SLC39A3: variants seen among roughly 807,000 people sequenced by gnomAD.
SLC39A3 encodes the protein solute carrier family 39 member 3, also known as zinc transporter ZIP3.
A neutral mutation model predicts 5.1 loss-of-function variants in SLC39A3; 3 were observed. The ratio of observed to expected loss-of-function variants is 0.59; its 90% CI spans 0.27 to 1.54. The LOEUF is 1.54. SLC39A3 is among the 40% of genes most tolerant of loss of function. The pLI is 0.12. For synonymous variants in SLC39A3, 250 were observed against 218.8 expected, an observed-to-expected ratio of 1.14 and a Z score of -1.26; for missense variants, 412 against 436.4, an observed-to-expected ratio of 0.94 and a Z score of 0.50.
rs1419275245 is a variant in SLC39A3 at position 2,735,888 on chromosome 19, C to T, written c.210+1160G>A. The T allele has an allele frequency of 2.0e-6, 2 of 985,422 alleles. No individual in the cohort carries two copies. The highest frequency in any genetic ancestry group is 2.4e-6 in the Non-Finnish European group (2 of 830,024). 61.0% of individuals were successfully genotyped at this position (985,422 alleles called of 1,614,324 possible). A position where few individuals can be genotyped will look rare whatever the true frequency, so the allele number is the denominator to read the frequency against. On this transcript the variant is annotated intron_variant, in intron 2 of 2. Transcript: ENST00000269740. This position sits in a 1 kb window ranked among gnomAD's most constrained non-coding sequence, Gnocchi z 5.7. ...AACAGCCCTTCTCCTCCTTTCTGGACACTAGGCACGAGGAAAAGCAGGGCC... is the reference window on the plus strand; with the variant it reads ...AACAGCCCTTCTCCTCCTTTCTGGATACTAGGCACGAGGAAAAGCAGGGCC...
chr19:2,740,035 C>A (rs891645792), upstream of SLC39A3: 4 of 152,292 alleles, frequency 2.6e-5, no homozygotes, highest in East Asian at 1.9e-4. Flanking sequence ...GGAGAGGCCC[C>A]GCTCGGCGCG....
chr19:2,737,412 TTTC>T (rs1914405296), intron 1 of SLC39A3, 33 bp from the exon 2 acceptor site: 18 of 1,354,872 alleles, frequency 1.3e-5, no homozygotes, highest in Middle Eastern at 2.7e-4. Context: ...ATTAGCTTTC[TTTC>T]TTTTTTCTTT....
Position 2,734,630 on chromosome 19 carries a change from G to T in SLC39A3, c.211-1145C>A. The T allele has an allele frequency of 1.7e-6, 1 of 583,730 alleles. No individual in the cohort carries two copies. Among genetic ancestry groups the T allele is most frequent in the Non-Finnish European group, 2.2e-6 (1 of 462,814 alleles). 36.2% of individuals were successfully genotyped at this position (583,730 alleles called of 1,614,324 possible). On this transcript the variant is annotated intron_variant, in intron 2 of 2. Transcript: ENST00000269740. The surrounding 1 kb of genome is among the most constrained non-coding windows in gnomAD (Gnocchi z 4.6). ...GGGGCCGTCCTGGGCACTGCAGGGT[G>T]CTGCTGAGCAGTGTCTCTGGCCTCC...
At chr19:2,736,445 G>C (rs145568409) in intron 2 of SLC39A3, 222 of 175,830 alleles carry the variant, frequency 1.3e-3, no homozygotes, top group African/African-American at 5.2e-3. Flanking sequence ...GGCTCTGAGG[G>C]CTGCCCCAGC....
rs2144694044 is a variant in SLC39A3, at chr19:2,732,526, T to C, written c.*225A>G. 4 of 1,430,712 alleles carry C rather than the reference T, an allele frequency of 2.8e-6. No homozygotes were observed. The highest frequency in any genetic ancestry group is 1.5e-5 in the South Asian group (1 of 66,574). The allele number at this position is 1,430,712 out of a possible 1,614,324, so 88.6% of individuals were successfully genotyped here. A position where few individuals can be genotyped will look rare whatever the true frequency, so the allele number is the denominator to read the frequency against. On this transcript the variant is annotated 3_prime_UTR_variant, in exon 3 of 3. Transcript: ENST00000269740. ...CGAGGTTGACATGGCCACACAGCTTTGGTAAAGACTTTTAAGAGAAAGAAG... is the reference window on the plus strand; with the variant it reads ...CGAGGTTGACATGGCCACACAGCTTCGGTAAAGACTTTTAAGAGAAAGAAG...
chr19:2,735,022 G>C lies in SLC39A3; in HGVS notation c.211-1537C>G. On this transcript the variant is annotated intron_variant, in intron 2 of 2. Transcript: ENST00000269740. This position sits in a 1 kb window ranked among gnomAD's most constrained non-coding sequence, Gnocchi z 5.7. ...GGGACCTCATCCGCCTGACCAGCCC[G>C]AGGACAGGAGAACGGCGGGAAAGGT... The C allele has an allele frequency of 1.0e-6, 1 of 985,428 alleles. No individual in the cohort carries two copies. The highest frequency in any genetic ancestry group is 1.2e-6 in the Non-Finnish European group (1 of 829,952). 61.0% of individuals were successfully genotyped at this position (985,428 alleles called of 1,614,324 possible).
Position 2,733,649 on chromosome 19 carries a change from C to A in SLC39A3, c.211-164G>T, listed in dbSNP as rs946138443. Among the ~76,000 whole-genome samples, 1 of 152,132 alleles carries A rather than the reference C, an allele frequency of 6.6e-6. No homozygotes were observed. The highest frequency in any genetic ancestry group is 1.5e-5 in the Non-Finnish European group (1 of 68,020). ...AGGGCTCGCCTGTGATGAATTAACA[C>A]CACCACCACCAGCCAAGCGCGGTGG... On this transcript the variant is annotated intron_variant, in intron 2 of 2. Coordinates refer to ENST00000269740, the MANE Select transcript of SLC39A3 (RefSeq NM_144564.5). This position sits in a 1 kb window ranked among gnomAD's most constrained non-coding sequence, Gnocchi z 6.1.
In SLC39A3 at chr19:2,733,105, C is replaced by T. The variant is rs1338775080; in HGVS notation, c.591G>A (p.Val197=). Reference sequence around the variant, plus strand: ...CGGCCACCCCCACGAACAGGCTCACCACTTTCTCCCCCTCCTCCTGCAGGC... The same window carrying T: ...CGGCCACCCCCACGAACAGGCTCACTACTTTCTCCCCCTCCTCCTGCAGGC... ...ALGLQEEGEK[V]VSLFVGVAVH... The change falls in exon 3 of 3, where the codon GTG becomes GTA. Residue 197 remains valine (V), a synonymous_variant. Transcript: ENST00000269740. The surrounding 1 kb of genome is among the most constrained non-coding windows in gnomAD (Gnocchi z 6.1). 2 of 1,610,986 alleles carry T rather than the reference C, an allele frequency of 1.2e-6. No homozygotes were observed. Among genetic ancestry groups the T allele is most frequent in the Non-Finnish European group, 1.7e-6 (2 of 1,179,208 alleles).
chr19:2,736,183 G>A (rs1042008762), intron 2 of SLC39A3: 18 of 985,414 alleles, frequency 1.8e-5, no homozygotes, highest in African/African-American at 1.7e-5. Flanking sequence ...CAGGAGTTGG[G>A]GTGGACAGAC....
Position 2,733,202 on chromosome 19 carries a change from G to A in SLC39A3, c.494C>T (p.Ala165Val), listed in dbSNP as rs1568299269. Residue 165 changes from alanine to valine, a missense_variant, in exon 3 of 3, where the codon GCC (alanine) becomes GTC (valine). Physicochemically the swap from Ala to Val is moderately conservative, Grantham distance 64. Coordinates refer to ENST00000269740, the MANE Select transcript of SLC39A3 (RefSeq NM_144564.5). The surrounding 1 kb of genome is among the most constrained non-coding windows in gnomAD (Gnocchi z 6.1). The stretch of plus-strand genomic sequence containing the variant: ...CAGGCTGAGCAGGCGCACGGGGCTG[G>A]CGCGCGAGAGGCCCTGCACGCTCAG... ...PSLSVQGLSRASPVRLLSLAF... is the reference protein window; with the variant it reads ...PSLSVQGLSRVSPVRLLSLAF... 3.7e-6 allele frequency: 6 copies of A among 1,607,326 alleles called. No individual in the cohort carries two copies. Among genetic ancestry groups the A allele is most frequent in the Non-Finnish European group, 5.1e-6 (6 of 1,177,008 alleles).
Position 2,733,174 on chromosome 19 carries a change from G to T in SLC39A3, c.522C>A (p.Ala174=), listed in dbSNP as rs532437617. The stretch of plus-strand genomic sequence containing the variant: ...AGACCGAGTGGGCCGACAGCGCGAA[G>T]GCCAGGCTGAGCAGGCGCACGGGGC... ...RASPVRLLSL[A]FALSAHSVFE... is the part of the protein sequence containing the mutation. The change falls in exon 3 of 3, where the codon GCC becomes GCA. Residue 174 remains alanine, a synonymous_variant. Transcript: ENST00000269740. The surrounding 1 kb of genome is among the most constrained non-coding windows in gnomAD (Gnocchi z 6.1). 2 of 1,609,760 alleles carry T rather than the reference G, an allele frequency of 1.2e-6. No individual in the cohort carries two copies. The highest frequency in any genetic ancestry group is 1.1e-5 in the South Asian group (1 of 90,818).
In SLC39A3 at chr19:2,734,854, T is replaced by C. The variant is rs2144696683; in HGVS notation, c.211-1369A>G. On this transcript the variant is annotated intron_variant, in intron 2 of 2. Coordinates refer to ENST00000269740, the MANE Select transcript of SLC39A3 (RefSeq NM_144564.5). The surrounding 1 kb of genome is among the most constrained non-coding windows in gnomAD (Gnocchi z 4.6). ...CATGCCTCGCTTGAGGACAAGCTCA[T>C]GAGGAACTCTAGCTACTCCCAAGAG... is the stretch of plus-strand genomic sequence containing the variant. 1 of 985,458 alleles carries C rather than the reference T, an allele frequency of 1.0e-6. No individual in the cohort carries two copies. Among genetic ancestry groups the C allele is most frequent in the Non-Finnish European group, 1.2e-6 (1 of 829,944 alleles). 61.0% of individuals were successfully genotyped at this position (985,458 alleles called of 1,614,324 possible).
chr19:2,737,136 T>C lies in SLC39A3; in HGVS notation c.122A>G (p.Lys41Arg), dbSNP rs1423098365. 6 of 1,614,064 alleles carry C rather than the reference T, an allele frequency of 3.7e-6. No individual in the cohort carries two copies. Among genetic ancestry groups the C allele is most frequent in the Middle Eastern group, 1.6e-4 (1 of 6,084 alleles). Residue 41 changes from lysine to arginine, a missense_variant, in exon 2 of 3, where the codon AAA becomes AGA. Physicochemically the swap from Lys to Arg is conservative, Grantham distance 26 (BLOSUM62 2). Transcript: ENST00000269740. ...GGTGTTGCAGAGAGAGAGGATCTTTTTCGAGCGATGGGCCTTCTCAAAATC... is the reference window on the plus strand; with the variant it reads ...GGTGTTGCAGAGAGAGAGGATCTTTCTCGAGCGATGGGCCTTCTCAAAATC... ...ETDFEKAHRSKKILSLCNTFG... is the reference protein window; with the variant it reads ...ETDFEKAHRSRKILSLCNTFG...
rs1914301112 is a variant in SLC39A3, at chr19:2,734,588, G to A, written c.211-1103C>T. ...GGGGAAGGTGCTGACATTCGGGGCT[G>A]GATTGTTCTCTGGGACGGGGCCGTC... On this transcript the variant is annotated intron_variant, in intron 2 of 2. Coordinates refer to ENST00000269740, the MANE Select transcript of SLC39A3 (RefSeq NM_144564.5). The surrounding 1 kb of genome is among the most constrained non-coding windows in gnomAD (Gnocchi z 4.6). The A allele has an allele frequency of 3.9e-6, 1 of 254,064 alleles. No individual in the cohort carries two copies. The highest frequency in any genetic ancestry group is 1.5e-4 in the South Asian group (1 of 6,734). The allele number at this position is 254,064 out of a possible 1,614,324, so 15.7% of individuals were successfully genotyped here.
At chr19:2,739,698 A>G (rs10415622) in intron 1 of SLC39A3, among the ~76,000 whole-genome samples, 68,371 of 151,952 alleles carry the variant, frequency 0.45, 18,211 homozygotes, top group African/African-American at 0.75. Flanking sequence ...GCATCTGGAT[A>G]CCTCAGTCTG....
chr19:2,737,180 G>C lies in SLC39A3; in HGVS notation c.78C>G (p.Pro26=), dbSNP rs143048374. The C allele has an allele frequency of 2.5e-6, 4 of 1,614,016 alleles. No homozygotes were observed. The highest frequency in any genetic ancestry group is 2.7e-5 in the African/African-American group (2 of 74,896). The stretch of plus-strand genomic sequence containing the variant: ...CAAAATCTGTCTCGATGATCTTCAC[G>C]GGGAGCAGGGAGCCGAGCAGCATGA... The part of the protein sequence containing the change: ...FFFMLLGSLL[P]VKIIETDFEK... The change falls in exon 2 of 3, where the codon CCC becomes CCG. Residue 26 remains proline, a synonymous_variant. Coordinates refer to ENST00000269740, the MANE Select transcript of SLC39A3 (RefSeq NM_144564.5).
rs1189371396 is a variant in SLC39A3, at chr19:2,733,485, G to C, written c.211C>G (p.Leu71Val). ...NALLPAVREK[L>V]QKVLSLGHIS... Reference sequence around the variant, plus strand: ...TGGCCGAGGCTCAGGACCTTCTGGAGCTGCAGCCGGGGACACCCGAGAGAG... The same window carrying C: ...TGGCCGAGGCTCAGGACCTTCTGGACCTGCAGCCGGGGACACCCGAGAGAG... The change falls in exon 3 of 3, where the codon CTC (leucine) becomes GTC (valine). Residue 71 changes from leucine to valine, a missense_variant and splice_region_variant. Transcript: ENST00000269740. This position sits in a 1 kb window ranked among gnomAD's most constrained non-coding sequence, Gnocchi z 6.1. 1 of 1,606,678 alleles carries C rather than the reference G, an allele frequency of 6.2e-7. No individual in the cohort carries two copies. The highest frequency in any genetic ancestry group is 1.3e-5 in the African/African-American group (1 of 74,852).
Position 2,735,323 on chromosome 19 carries a change from G to T in SLC39A3, c.210+1725C>A. 1.6e-6 allele frequency: 1 copy of T among 614,964 alleles called. No homozygotes were observed. Among genetic ancestry groups the T allele is most frequent in the Non-Finnish European group, 2.0e-6 (1 of 491,508 alleles). 38.1% of individuals were successfully genotyped at this position (614,964 alleles called of 1,614,324 possible). A position where few individuals can be genotyped will look rare whatever the true frequency, so the allele number is the denominator to read the frequency against. ...TGCGGTGTCTCGGCTCTGAACGGTGGAAATCCAGGTGCGGGCTAGCTGGGC... is the reference window on the plus strand; with the variant it reads ...TGCGGTGTCTCGGCTCTGAACGGTGTAAATCCAGGTGCGGGCTAGCTGGGC... On this transcript the variant is annotated intron_variant, in intron 2 of 2. Transcript: ENST00000269740. The surrounding 1 kb of genome is among the most constrained non-coding windows in gnomAD (Gnocchi z 5.7).
chr19:2,738,016 T>A (rs997250422), intron 1 of SLC39A3, among the ~76,000 whole-genome samples: 8 of 151,324 alleles, frequency 5.3e-5, no homozygotes, highest in Non-Finnish European at 7.4e-5. Flanking sequence ...CTGGACAACA[T>A]GGTGAAACGC....
Sources: gnomAD v4.1 joint callset for allele counts (sites outside exome capture counted in the v4.1 genomes callset) on GRCh38, gnomAD v4.1.1 for gene constraint, Gnocchi (gnomAD v3.1) non-coding constraint, MANE v1.5 for transcripts, NCBI Gene and HGNC (gene_info 2026-07-23, HGNC 2026-07-21) for gene names.